The following PLA2G12A variants were observed in gnomAD, a reference collection of about 807,000 sequenced individuals.
PLA2G12A encodes group XIIA secretory phospholipase A2.
Under a neutral mutation model 16.0 loss-of-function variants are expected in PLA2G12A, and 11 were observed. The ratio of observed to expected loss-of-function variants is 0.69; its 90% CI spans 0.43 to 1.13. The LOEUF (loss-of-function observed/expected upper bound fraction) is 1.13, where lower values mean the gene tolerates loss of function less well. Ranked by LOEUF, PLA2G12A falls within the 50% of genes most tolerant of loss-of-function variation. The pLI is 0.00. For synonymous variants in PLA2G12A, 77 were observed against 93.8 expected, an observed-to-expected ratio of 0.82 and a Z score of 1.03; for missense variants, 214 against 237.3, an observed-to-expected ratio of 0.90 and a Z score of 0.65.
Position 109,728,373 on chromosome 4 carries a change from T to A in PLA2G12A, c.208+1229A>T, listed in dbSNP as rs1234642505. 2.0e-5 allele frequency among the ~76,000 whole-genome samples: 3 copies of A among 152,244 alleles called. No individual in the cohort carries two copies. In the East Asian group the frequency reaches 5.8e-4, roughly 29 times the overall value. On this transcript the variant is annotated intron_variant, in intron 1 of 3. Coordinates refer to ENST00000243501, the MANE Select transcript of PLA2G12A (RefSeq NM_030821.5). ...CACAGTTGGGACTCAAATATTTGTATAATGAATAGGAATGACTAAGTAAAA... is the reference window on the plus strand; with the variant it reads ...CACAGTTGGGACTCAAATATTTGTAAAATGAATAGGAATGACTAAGTAAAA...
rs901061265 is a variant in PLA2G12A at position 109,714,325 on chromosome 4, G to T, written c.*52C>A. The T allele has an allele frequency of 8.3e-6, 9 of 1,085,562 alleles. No individual in the cohort carries two copies. The African/African-American group carries it at 9.0e-5, about 11-fold the overall frequency. 67.2% of individuals were successfully genotyped at this position (1,085,562 alleles called of 1,614,324 possible). A position where few individuals can be genotyped will look rare whatever the true frequency, so the allele number is the denominator to read the frequency against. ...TATGTTGTAAAAACATTAGTTATTT[G>T]TCAAAGGTATGTTCTTCCATCTTCA... On this transcript the variant is annotated 3_prime_UTR_variant, in exon 4 of 4. Coordinates refer to ENST00000243501, the MANE Select transcript of PLA2G12A (RefSeq NM_030821.5).
At chr4:109,727,093 G>C (rs1261050992) in intron 1 of PLA2G12A, among the ~76,000 whole-genome samples, 1 of 151,670 alleles carries the variant, frequency 6.6e-6, no homozygotes, top group Non-Finnish European at 1.5e-5. Flanking sequence ...GAGACTGCTC[G>C]AGTAACAGCA....
intron 1 of PLA2G12A, among the ~76,000 whole-genome samples, chr4:109,722,381 T>C (rs972396775): frequency 2.6e-5 from 4 of 152,224 alleles, no homozygotes; most frequent in Non-Finnish European, 5.9e-5. Context: ...AAAATTCATG[T>C]TGAAACCTAA....
At position 109,718,691 on chromosome 4, in the gene PLA2G12A, C is replaced by T. The variant is rs78154817; in HGVS notation, c.277G>A (p.Gly93Ser). ...TAAAAGACAATATTTACATGAACAC[C>T]AAACAGTGGAGAGCCACATCCATTC... ...PPNGCGSPLFGVHLNIGIPSL... is the reference protein window; with the variant it reads ...PPNGCGSPLFSVHLNIGIPSL... The change falls in exon 2 of 4, where the codon GGT (glycine) becomes AGT (serine). Residue 93 changes from glycine (G) to serine (S), a missense_variant. Gly to Ser is a moderately conservative substitution (Grantham distance 56). Transcript: ENST00000243501. 5.6e-6 allele frequency: 9 copies of T among 1,596,704 alleles called. No homozygotes were observed. The highest frequency in any genetic ancestry group is 7.7e-6 in the Non-Finnish European group (9 of 1,168,398).
rs1267817396 is a variant in PLA2G12A, at chr4:109,710,700, G to C, written c.*3677C>G. ...AAGCTGGTCTCGAACTTCTGACTTTGAGTGATCTGTCCGCCTTGGCCTCCC... is the reference window on the plus strand; with the variant it reads ...AAGCTGGTCTCGAACTTCTGACTTTCAGTGATCTGTCCGCCTTGGCCTCCC... On this transcript the variant is annotated 3_prime_UTR_variant, in exon 4 of 4. Transcript: ENST00000243501. 1 of 152,216 alleles carries C rather than the reference G, an allele frequency of 6.6e-6. No homozygotes were observed. 9.4% of individuals were successfully genotyped at this position (152,216 alleles called of 1,614,324 possible).
At chr4:109,727,330 C>G (rs1196332922) in intron 1 of PLA2G12A, among the ~76,000 whole-genome samples, 2 of 151,876 alleles carry the variant, frequency 1.3e-5, no homozygotes, top group Non-Finnish European at 2.9e-5. Flanking sequence ...AGGCTGGTCT[C>G]GAACTCCTGA....
intron 2 of PLA2G12A, 89 bp from the exon 3 acceptor site, chr4:109,717,802 G>T: frequency 1.6e-6 from 2 of 1,232,612 alleles, no homozygotes; most frequent in Non-Finnish European, 1.2e-6. Context: ...AGGTATAAAT[G>T]ATAATGACTG....
At chr4:109,721,350 G>T (rs76417863) in intron 1 of PLA2G12A, among the ~76,000 whole-genome samples, 1,485 of 139,778 alleles carry the variant, frequency 0.011, 28 homozygotes, top group African/African-American at 0.038. Flanking sequence ...ATGGAGTCTC[G>T]CTTTGCCTCC....
chr4:109,718,010 T>G (rs567316953), intron 2 of PLA2G12A, among the ~76,000 whole-genome samples: 3 of 152,282 alleles, frequency 2.0e-5, no homozygotes, highest in African/African-American at 7.2e-5. Context: ...AACATAAGTT[T>G]TAAAAAAAGA....
chr4:109,723,561 T>C lies in PLA2G12A; in HGVS notation c.209-4802A>G, dbSNP rs1034028707. ...TGAGAAACTATACATTTATCTATAG[T>C]TTTCTTTGCCCTAACACACTATAAA... On this transcript the variant is annotated intron_variant, in intron 1 of 3. Coordinates refer to ENST00000243501, the MANE Select transcript of PLA2G12A (RefSeq NM_030821.5). Among the ~76,000 whole-genome samples, 4 of 152,310 alleles carry C rather than the reference T, an allele frequency of 2.6e-5. No homozygotes were observed. In the East Asian group the frequency reaches 7.7e-4, roughly 29 times the overall value.
chr4:109,717,416 A>G, intron 3 of PLA2G12A, 132 bp downstream of exon 3: 1 of 984,086 alleles, frequency 1.0e-6, no homozygotes, highest in Non-Finnish European at 1.5e-6. Context: ...CTCACCTCAG[A>G]AAATTGAAGT....
chr4:109,714,322 T>A lies in PLA2G12A; in HGVS notation c.*55A>T, dbSNP rs1416886218. The A allele has an allele frequency of 9.5e-7, 1 of 1,050,160 alleles. No homozygotes were observed. Among genetic ancestry groups the A allele is most frequent in the Non-Finnish European group, 1.4e-6 (1 of 701,338 alleles). 65.1% of individuals were successfully genotyped at this position (1,050,160 alleles called of 1,614,324 possible). The stretch of plus-strand genomic sequence containing the variant: ...TTTTATGTTGTAAAAACATTAGTTA[T>A]TTGTCAAAGGTATGTTCTTCCATCT... On this transcript the variant is annotated 3_prime_UTR_variant, in exon 4 of 4. Transcript: ENST00000243501.
At chr4:109,724,245 C>T (rs1414420894) in intron 1 of PLA2G12A, among the ~76,000 whole-genome samples, 1 of 152,174 alleles carries the variant, frequency 6.6e-6, no homozygotes, top group Non-Finnish European at 1.5e-5. Flanking sequence ...TCTGCCTCAG[C>T]CTCCCAAGTA....
At chr4:109,725,570 A>G (rs1722919070) in intron 1 of PLA2G12A, among the ~76,000 whole-genome samples, 1 of 152,230 alleles carries the variant, frequency 6.6e-6, no homozygotes, top group Admixed American at 6.5e-5. Context: ...AGCGGATACA[A>G]ACCAAATCCA....
At chr4:109,716,775 G>A (rs1234295065) in intron 3 of PLA2G12A, among the ~76,000 whole-genome samples, 1 of 152,104 alleles carries the variant, frequency 6.6e-6, no homozygotes, top group Non-Finnish European at 1.5e-5. Context: ...CACTGAACCT[G>A]GGGGTCATCT....
In PLA2G12A at chr4:109,713,419, A is replaced by G. The variant is rs1730770756; in HGVS notation, c.*958T>C. 1 of 152,268 alleles carries G rather than the reference A, an allele frequency of 6.6e-6. No homozygotes were observed. Among genetic ancestry groups the G allele is most frequent in the Non-Finnish European group, 1.5e-5 (1 of 68,044 alleles). The allele number at this position is 152,268 out of a possible 1,614,324, so 9.4% of individuals were successfully genotyped here. Reference sequence around the variant, plus strand: ...TCTAATTAAAGGCTTTTTGAAAAGCAGTATCAAGCACAAATTTTAGTAAGA... The same window carrying G: ...TCTAATTAAAGGCTTTTTGAAAAGCGGTATCAAGCACAAATTTTAGTAAGA... On this transcript the variant is annotated 3_prime_UTR_variant, in exon 4 of 4. Transcript: ENST00000243501.
intron 3 of PLA2G12A, 22 bp from the exon 4 acceptor site, chr4:109,714,517 T>C (rs779148156): frequency 1.3e-6 from 2 of 1,516,438 alleles, no homozygotes; most frequent in Admixed American, 1.7e-5. Flanking sequence ...GAAAATGGGA[T>C]TACTGTTGGG....
intron 1 of PLA2G12A, among the ~76,000 whole-genome samples, chr4:109,720,574 C>CAAAAA (rs61477793): frequency 5.3e-5 from 2 of 37,472 alleles, no homozygotes; most frequent in African/African-American, 2.4e-4. Flanking sequence ...TGTCTGTATT[C>CAAAAA]AAAAAAAAAA....
In PLA2G12A at chr4:109,712,275, A is replaced by G. The variant is rs1390725725; in HGVS notation, c.*2102T>C. 6.6e-6 allele frequency: 1 copy of G among 152,152 alleles called. No individual in the cohort carries two copies. Among genetic ancestry groups the G allele is most frequent in the African/African-American group, 2.4e-5 (1 of 41,440 alleles). 9.4% of individuals were successfully genotyped at this position (152,152 alleles called of 1,614,324 possible). ...GGGTGAGTGGTCACAGAAGCTCTCC[A>G]TGTATCTTTGCAACTTTTCTGTAAA... On this transcript the variant is annotated 3_prime_UTR_variant, in exon 4 of 4. Coordinates refer to ENST00000243501, the MANE Select transcript of PLA2G12A (RefSeq NM_030821.5).
Sources: allele counts gnomAD v4.1 joint callset (sites outside exome capture counted in the v4.1 genomes callset), GRCh38; gene constraint gnomAD v4.1.1; transcripts MANE v1.5; gene names NCBI Gene and HGNC (gene_info 2026-07-23, HGNC 2026-07-21).